RAPH1: variants seen among roughly 807,000 people sequenced by gnomAD.
RAPH1 encodes the protein ras-associated and pleckstrin homology domains-containing protein 1.
In RAPH1, 18 loss-of-function variants were observed where a neutral mutation model predicts 88.1. That is an observed-to-expected ratio of 0.20 (90% CI 0.14 to 0.30). The LOEUF (loss-of-function observed/expected upper bound fraction) is 0.30. RAPH1 is among the 10% of genes least tolerant of loss of function. The pLI, the probability that RAPH1 is intolerant of heterozygous loss-of-function variation, is 1.00. For missense variants in RAPH1, 1,448 were observed against 1,543.2 expected, an observed-to-expected ratio of 0.94 and a Z score of 1.03; for synonymous variants, 587 against 559.0, an observed-to-expected ratio of 1.05 and a Z score of -0.71.
chr2:203,460,864 C>G (rs953828630), intron 6 of RAPH1, among the ~76,000 whole-genome samples: 1 of 152,076 alleles, frequency 6.6e-6, no homozygotes, highest in Non-Finnish European at 1.5e-5. Context: ...CGCCTGTAAT[C>G]CCAGCACTTT....
chr2:203,509,044 A>G (rs1221575951), intron 1 of RAPH1, among the ~76,000 whole-genome samples: 1 of 151,410 alleles, frequency 6.6e-6, no homozygotes, highest in African/African-American at 2.4e-5. Flanking sequence ...TCACAGATGC[A>G]AAAAGAGTCA....
At position 203,440,137 on chromosome 2, in the gene RAPH1, A is replaced by G; in HGVS notation, c.3053T>C (p.Leu1018Pro). 1 of 1,613,500 alleles carries G rather than the reference A, an allele frequency of 6.2e-7. No homozygotes were observed. Residue 1018 changes from leucine to proline, a missense_variant, in exon 14 of 14, where the codon CTA (leucine) becomes CCA (proline). By Grantham distance (98) the Leu-to-Pro change is moderately conservative. This residue lies in a region of RAPH1 where 935 missense variants were observed against 890.1 expected (regional missense o/e 1.05). Transcript: ENST00000319170. ...CTTGGGGGGTGCTGCAGGAGGTGGT[A>G]GGGTCTCCTTGCTGGGAGACCCTGA... The part of the protein sequence containing the change: ...AESGSPSKET[L>P]PPPAAPPKPG...
intron 4 of RAPH1, among the ~76,000 whole-genome samples, chr2:203,481,754 G>C (rs1404390930): frequency 6.7e-6 from 1 of 148,670 alleles, no homozygotes; most frequent in South Asian, 2.1e-4. Context: ...ACCACGCCAG[G>C]ATAATTTTTT....
rs1357787669 is a variant in RAPH1 at position 203,477,115 on chromosome 2, A to G, written c.732+12469T>C. The stretch of plus-strand genomic sequence containing the variant: ...CCTGTTCTTCTGTGAAGTCAATATG[A>G]CGCTTGGCCTGCTTGCTGGAACATC... On this transcript the variant is annotated intron_variant, in intron 4 of 13. Coordinates refer to ENST00000319170, the MANE Select transcript of RAPH1 (RefSeq NM_213589.3). The G allele has an allele frequency of 3.7e-6, 6 of 1,613,888 alleles. No homozygotes were observed. The African/African-American group carries it at 8.0e-5, about 22-fold the overall frequency.
At chr2:203,506,824 A>C (rs539060184) in intron 1 of RAPH1, among the ~76,000 whole-genome samples, 11 of 58,708 alleles carry the variant, frequency 1.9e-4, no homozygotes, top group South Asian at 1.8e-3. Flanking sequence ...ATATATCTAT[A>C]TATATATCTA....
rs552755719 is a variant in RAPH1 at position 203,477,566 on chromosome 2, C to T, written c.732+12018G>A. ...TCTTCAAGCTTCTAGCTTCCCTCTT[C>T]CCTCTCTTCATATGACTGCACTTCC... On this transcript the variant is annotated intron_variant, in intron 4 of 13. Transcript: ENST00000319170. Among the ~76,000 whole-genome samples the T allele has an allele frequency of 5.3e-5, 8 of 152,302 alleles. No homozygotes were observed. The South Asian group carries it at 1.7e-3, about 32-fold the overall frequency.
At chr2:203,473,267 C>A (rs185784887) in intron 4 of RAPH1, among the ~76,000 whole-genome samples, 134 of 152,200 alleles carry the variant, frequency 8.8e-4, no homozygotes, top group African/African-American at 3.1e-3. Context: ...GCCTGGGCAA[C>A]AGAGCGAGAC....
At chr2:203,528,996 TA>T (rs1193439024) in intron 1 of RAPH1, among the ~76,000 whole-genome samples, 188 of 87,780 alleles carry the variant, frequency 2.1e-3, no homozygotes, top group Non-Finnish European at 3.1e-3. Context: ...TATATATATA[TA>T]TATATATATT....
chr2:203,445,261 C>A, intron 12 of RAPH1: 1 of 382,676 alleles, frequency 2.6e-6, no homozygotes, highest in Non-Finnish European at 4.6e-6. Flanking sequence ...ATAAATGATT[C>A]ACATAACATT....
chr2:203,509,956 A>T (rs1047855327), intron 1 of RAPH1, among the ~76,000 whole-genome samples: 1 of 152,070 alleles, frequency 6.6e-6, no homozygotes, highest in Admixed American at 6.6e-5. Context: ...AGGTCTCCCC[A>T]GAAGCAGAGC....
intron 1 of RAPH1, among the ~76,000 whole-genome samples, chr2:203,510,856 C>T (rs981427376): frequency 1.3e-5 from 2 of 151,628 alleles, no homozygotes; most frequent in African/African-American, 2.4e-5. Flanking sequence ...CCCAGGAGTT[C>T]GAAACCAGAC....
intron 4 of RAPH1, among the ~76,000 whole-genome samples, chr2:203,481,622 C>T (rs1223498364): frequency 2.0e-5 from 3 of 147,302 alleles, no homozygotes; most frequent in East Asian, 2.0e-4. Context: ...GATGGAGGCT[C>T]GCTCTGTCAC....
intron 2 of RAPH1, among the ~76,000 whole-genome samples, chr2:203,492,557 A>G (rs1166194419): frequency 1.3e-5 from 2 of 152,226 alleles, no homozygotes; most frequent in Non-Finnish European, 2.9e-5. Context: ...TACACTTGTA[A>G]GTTTAAATGA....
intron 8 of RAPH1, among the ~76,000 whole-genome samples, chr2:203,456,707 G>A (rs184872366): frequency 7.2e-5 from 11 of 152,124 alleles, no homozygotes; most frequent in African/African-American, 1.9e-4. Context: ...GTTGATCTTC[G>A]CTTCCTAATT....
chr2:203,487,636 C>T (rs951897786), intron 4 of RAPH1, among the ~76,000 whole-genome samples: 3 of 152,142 alleles, frequency 2.0e-5, no homozygotes, highest in African/African-American at 4.8e-5. Context: ...CCGCCCGCCT[C>T]GGCCTCCCAA....
At chr2:203,515,582 G>T (rs1182780180) in intron 1 of RAPH1, among the ~76,000 whole-genome samples, 2 of 152,180 alleles carry the variant, frequency 1.3e-5, no homozygotes, top group East Asian at 3.8e-4. Flanking sequence ...ATTCTGTTAA[G>T]AACGGGGCTG....
chr2:203,446,731 C>T (rs1027933179), intron 12 of RAPH1: 2 of 151,964 alleles, frequency 1.3e-5, no homozygotes, highest in African/African-American at 4.8e-5. Context: ...CTCTGTGTAT[C>T]CCTTTGACAT....
intron 4 of RAPH1, chr2:203,470,430 A>C (rs1369802212): frequency 9.6e-5 from 56 of 580,892 alleles, no homozygotes; most frequent in Non-Finnish European, 1.5e-4. Flanking sequence ...AATTAATCTC[A>C]TATCTTTTCC....
intron 4 of RAPH1, among the ~76,000 whole-genome samples, chr2:203,481,696 A>T (rs1176632830): frequency 6.7e-6 from 1 of 149,104 alleles, no homozygotes; most frequent in Non-Finnish European, 1.5e-5. Flanking sequence ...GATTCAAGTG[A>T]TTCTCCTGCC....
Sources: allele counts gnomAD v4.1 joint callset (sites outside exome capture counted in the v4.1 genomes callset), GRCh38; gene constraint gnomAD v4.1.1; regional missense constraint gnomAD v4.1.1; transcripts MANE v1.5; gene names NCBI Gene and HGNC (gene_info 2026-07-23, HGNC 2026-07-21).